Variants in CDKAL1 observed in about 807,000 individuals in gnomAD.
CDKAL1 encodes the protein threonylcarbamoyladenosine tRNA methylthiotransferase.
CDKAL1 carries 32 observed loss-of-function variants against 68.2 expected under a neutral mutation model. The observed-to-expected ratio is 0.47, with a 90% confidence interval of 0.35 to 0.63. The LOEUF is 0.63. CDKAL1 is among the 30% of genes least tolerant of loss of function. The pLI is 0.00. For missense variants in CDKAL1, 606 were observed against 696.7 expected (o/e 0.87, Z 1.47); for synonymous variants, 234 against 244.3 (o/e 0.96, Z 0.39).
At chr6:21,169,450 C>T (rs368143018) in intron 13 of CDKAL1, among the ~76,000 whole-genome samples, 13 of 152,154 alleles carry the variant, frequency 8.5e-5, no homozygotes, top group African/African-American at 2.9e-4. Flanking sequence ...GCCTGGCCAA[C>T]ATGGCGAAAC....
chr6:20,946,881 G>A (rs1764263579), intron 9 of CDKAL1, among the ~76,000 whole-genome samples: 2 of 152,156 alleles, frequency 1.3e-5, no homozygotes, highest in South Asian at 2.1e-4. Flanking sequence ...ACAGGCATGA[G>A]CCACTGCAAC....
At chr6:20,565,394 T>C (rs376473610) in intron 4 of CDKAL1, among the ~76,000 whole-genome samples, 1 of 152,146 alleles carries the variant, frequency 6.6e-6, no homozygotes, top group Non-Finnish European at 1.5e-5. Flanking sequence ...TAGGGTACCA[T>C]GCCTTGGAAA....
intron 9 of CDKAL1, among the ~76,000 whole-genome samples, chr6:20,869,412 C>T (rs566503304): frequency 6.6e-6 from 1 of 152,178 alleles, no homozygotes; most frequent in South Asian, 2.1e-4. Context: ...AAATAGTAAA[C>T]CACATTGCAT....
At chr6:20,551,304 T>C (rs1281938666) in intron 4 of CDKAL1, among the ~76,000 whole-genome samples, 1 of 152,212 alleles carries the variant, frequency 6.6e-6, no homozygotes, top group African/African-American at 2.4e-5. Context: ...AGACAGCATG[T>C]AATGATTAAG....
At chr6:21,023,239 T>G (rs1328653889) in intron 11 of CDKAL1, among the ~76,000 whole-genome samples, 1 of 152,160 alleles carries the variant, frequency 6.6e-6, no homozygotes, top group African/African-American at 2.4e-5. Context: ...GATACTAGCT[T>G]AAATTTATTT....
chr6:21,070,716 A>G lies in CDKAL1; in HGVS notation c.1236+5488A>G, dbSNP rs547162943. 8.6e-5 allele frequency among the ~76,000 whole-genome samples: 13 copies of G among 151,898 alleles called. No homozygotes were observed. In the East Asian group the frequency reaches 1.7e-3, roughly 20 times the overall value. ...GCTAGATATTTTCTTTTGTTCCCCA[A>G]TATCTGATATATTCTTTGCTATACT... is the stretch of plus-strand genomic sequence containing the variant. On this transcript the variant is annotated intron_variant, in intron 12 of 15. Coordinates refer to ENST00000274695, the MANE Select transcript of CDKAL1 (RefSeq NM_017774.3).
At chr6:20,854,695 G>A (rs1417650409) in intron 9 of CDKAL1, among the ~76,000 whole-genome samples, 1 of 152,152 alleles carries the variant, frequency 6.6e-6, no homozygotes, top group African/African-American at 2.4e-5. Flanking sequence ...CAGAAAATCT[G>A]CTGCTTCTGG....
intron 4 of CDKAL1, among the ~76,000 whole-genome samples, chr6:20,606,088 C>T (rs1315188816): frequency 2.6e-5 from 4 of 152,104 alleles, no homozygotes; most frequent in African/African-American, 7.2e-5. Flanking sequence ...TTCCGTCTCT[C>T]AGGGGTCACT....
chr6:21,197,191 ATACCT>A (rs1160763771), intron 13 of CDKAL1, among the ~76,000 whole-genome samples: 2 of 151,924 alleles, frequency 1.3e-5, no homozygotes, highest in African/African-American at 4.8e-5. Context: ...ATAATACTTG[ATACCT>A]TAAGTGCTGC....
intron 4 of CDKAL1, among the ~76,000 whole-genome samples, chr6:20,646,520 A>C (rs1196641827): frequency 6.6e-6 from 1 of 151,958 alleles, no homozygotes; most frequent in Non-Finnish European, 1.5e-5. Context: ...CGTTGACTGA[A>C]ATGTCATTAT....
intron 4 of CDKAL1, among the ~76,000 whole-genome samples, chr6:20,637,351 T>C (rs1767953675): frequency 6.6e-6 from 1 of 152,046 alleles, no homozygotes; most frequent in Admixed American, 6.6e-5. Flanking sequence ...TCACTTGAGG[T>C]CAGGAGTTCA....
chr6:20,617,000 A>C (rs2127728533), intron 4 of CDKAL1, among the ~76,000 whole-genome samples: 1 of 149,220 alleles, frequency 6.7e-6, no homozygotes, highest in South Asian at 2.2e-4. Context: ...TGATTGCACC[A>C]CTGCACTCCA....
intron 15 of CDKAL1, among the ~76,000 whole-genome samples, chr6:21,222,077 A>G (rs143573099): frequency 3.0e-3 from 462 of 152,320 alleles, no homozygotes; most frequent in African/African-American, 0.01. Context: ...AATGCATTTG[A>G]TCATACAGTA....
intron 8 of CDKAL1, among the ~76,000 whole-genome samples, chr6:20,786,672 TA>T (rs751367762): frequency 9.2e-5 from 14 of 151,954 alleles, no homozygotes; most frequent in African/African-American, 1.9e-4. Flanking sequence ...TAATTTTTTG[TA>T]TTTTTAGTGG....
chr6:20,712,368 A>G (rs1446520286), intron 5 of CDKAL1, among the ~76,000 whole-genome samples: 1 of 152,210 alleles, frequency 6.6e-6, no homozygotes, highest in Non-Finnish European at 1.5e-5. Flanking sequence ...GACAGGAATT[A>G]GTCATGAGCA....
chr6:20,673,287 C>A (rs62397624), intron 5 of CDKAL1, among the ~76,000 whole-genome samples: 5,603 of 152,176 alleles, frequency 0.037, 113 homozygotes, highest in Middle Eastern at 0.078. Context: ...CCCAAAGATA[C>A]CAAGATCTGC....
chr6:20,666,652 C>T (rs1769558619), intron 5 of CDKAL1, among the ~76,000 whole-genome samples: 2 of 149,990 alleles, frequency 1.3e-5, no homozygotes, highest in South Asian at 2.1e-4. Context: ...TGAGAAGCAA[C>T]TTGAGGGCTG....
At chr6:20,843,327 C>G (rs1245604194) in intron 8 of CDKAL1, among the ~76,000 whole-genome samples, 3 of 151,764 alleles carry the variant, frequency 2.0e-5, no homozygotes, top group Non-Finnish European at 4.4e-5. Context: ...CTTCCCCTGC[C>G]CTTTCCCCCT....
chr6:20,663,802 T>G (rs990490701), intron 5 of CDKAL1, among the ~76,000 whole-genome samples: 1 of 152,118 alleles, frequency 6.6e-6, no homozygotes, highest in African/African-American at 2.4e-5. Flanking sequence ...TTATGATGAT[T>G]ATCATGGAGG....
Sources: gnomAD v4.1 joint callset for allele counts (sites outside exome capture counted in the v4.1 genomes callset) on GRCh38, gnomAD v4.1.1 for gene constraint, MANE v1.5 for transcripts, NCBI Gene and HGNC (gene_info 2026-07-23, HGNC 2026-07-21) for gene names.